The following PHEX variants were observed in gnomAD, a reference collection of about 807,000 sequenced individuals.
The protein encoded by PHEX is phosphate-regulating neutral endopeptidase PHEX.
Under a neutral mutation model 68.0 loss-of-function variants are expected in PHEX, and 16 were observed. The observed-to-expected ratio is 0.24, with a 90% CI of 0.16 to 0.36. The LOEUF is 0.36. Ranked by LOEUF, PHEX falls within the 10% of genes least tolerant of loss-of-function variation. PHEX has a pLI of 1.00. For synonymous variants in PHEX, 208 were observed against 205.1 expected, an observed-to-expected ratio of 1.01 and a Z score of -0.12; for missense variants, 480 against 575.5, an observed-to-expected ratio of 0.83 and a Z score of 1.70.
At chrX:22,108,494 C>A (rs1204619212) in intron 9 of PHEX, among the ~76,000 whole-genome samples, 1 of 110,812 alleles carries the variant, frequency 9.0e-6, no homozygotes, top group East Asian at 2.8e-4. Flanking sequence ...CCATTTACAT[C>A]CCCAAAAGCT....
chrX:22,201,554 C>T (rs1934558269), intron 15 of PHEX, among the ~76,000 whole-genome samples: 1 of 110,397 alleles, frequency 9.1e-6, no homozygotes, highest in African/African-American at 3.3e-5. Context: ...GATACAGACC[C>T]CCAGTTTCTG....
intron 2 of PHEX, among the ~76,000 whole-genome samples, chrX:22,046,563 CTTTTTTTTTT>C (rs529373663): frequency 3.9e-5 from 3 of 77,020 alleles, no homozygotes; most frequent in Admixed American, 1.5e-4. Flanking sequence ...TATCCATTCC[CTTTTTTTTTT>C]TTTTTTTTTT....
intron 15 of PHEX, among the ~76,000 whole-genome samples, chrX:22,204,561 C>T (rs747941784): frequency 2.5e-4 from 28 of 111,539 alleles, no homozygotes; most frequent in Non-Finnish European, 4.9e-4. Flanking sequence ...TTTGTTTGTT[C>T]GAAGGTTGCC....
intron 14 of PHEX, among the ~76,000 whole-genome samples, chrX:22,189,287 C>T (rs909402315): frequency 8.9e-6 from 1 of 112,347 alleles, no homozygotes; most frequent in Non-Finnish European, 1.9e-5. Context: ...TGAGTATATA[C>T]CCAGCAGTGG....
At chrX:22,155,437 T>G (rs1185691107) in intron 12 of PHEX, among the ~76,000 whole-genome samples, 1 of 112,467 alleles carries the variant, frequency 8.9e-6, no homozygotes, top group Non-Finnish European at 1.9e-5. Flanking sequence ...AAATAAGTAA[T>G]TTAACAACTG....
intron 20 of PHEX, among the ~76,000 whole-genome samples, chrX:22,232,341 G>A (rs1032524135): frequency 9.3e-6 from 1 of 108,000 alleles, no homozygotes; most frequent in Non-Finnish European, 1.9e-5. Context: ...TTAATTTTCT[G>A]TCCATTTATC....
At chrX:22,205,956 T>G (rs2147154995) in intron 15 of PHEX, among the ~76,000 whole-genome samples, 1 of 112,220 alleles carries the variant, frequency 8.9e-6, no homozygotes, top group Admixed American at 9.4e-5. Flanking sequence ...GGAAGAATAT[T>G]CCACTTTTAT....
rs747974210 is a variant in PHEX, at chrX:22,133,643, GAA to G, written c.1404+27_1404+28del. On this transcript the variant is annotated intron_variant, in intron 12 of 21. Coordinates refer to ENST00000379374, the MANE Select transcript of PHEX (RefSeq NM_000444.6). ...AGAAAAGGTAAGGATTCCTTTTGAT[GAA>G]AAAAAAATAAGACTTCTGGTTTAAT... The G allele has an allele frequency of 9.3e-7, 1 of 1,080,956 alleles. No homozygotes were observed. Among genetic ancestry groups the G allele is most frequent in the Non-Finnish European group, 1.3e-6 (1 of 784,901 alleles). 89.1% of individuals were successfully genotyped at this position (1,080,956 alleles called of 1,213,427 possible).
At chrX:22,044,314 G>T (rs1293899523) in intron 2 of PHEX, among the ~76,000 whole-genome samples, 1 of 111,511 alleles carries the variant, frequency 9.0e-6, no homozygotes, top group Non-Finnish European at 1.9e-5. Context: ...GTGTCACATA[G>T]CAGATTCATT....
intron 2 of PHEX, among the ~76,000 whole-genome samples, chrX:22,042,734 G>A (rs1022112122): frequency 8.9e-6 from 1 of 111,796 alleles, no homozygotes; most frequent in African/African-American, 3.2e-5. Context: ...GCAGTGAGCC[G>A]AGATTGCAGG....
At chrX:22,149,545 G>A (rs1932800162) in intron 12 of PHEX, among the ~76,000 whole-genome samples, 1 of 112,517 alleles carries the variant, frequency 8.9e-6, no homozygotes, top group Non-Finnish European at 1.9e-5. Flanking sequence ...CTTGAGGTCA[G>A]GAGTTCGAGA....
At chrX:22,066,097 A>C (rs545102067) in intron 3 of PHEX, among the ~76,000 whole-genome samples, 1 of 112,265 alleles carries the variant, frequency 8.9e-6, no homozygotes, top group South Asian at 3.7e-4. Context: ...GGCGGGGGCC[A>C]GAGCATACAG....
chrX:22,097,776 G>GTTTT, intron 8 of PHEX: 1 of 651,434 alleles, frequency 1.5e-6, no homozygotes, highest in Non-Finnish European at 1.8e-6. Flanking sequence ...GTTTTTATTT[G>GTTTT]TTTTTTTTTG....
chrX:22,173,535 A>G (rs1933608310), intron 13 of PHEX, among the ~76,000 whole-genome samples: 2 of 110,247 alleles, frequency 1.8e-5, no homozygotes, highest in Non-Finnish European at 3.8e-5. Context: ...GGTTTTTGCC[A>G]TTACTATTAA....
chrX:22,096,327 A>G (rs957131092), intron 7 of PHEX, among the ~76,000 whole-genome samples: 1 of 112,502 alleles, frequency 8.9e-6, no homozygotes, highest in Admixed American at 9.4e-5. Context: ...CAAATGGCCA[A>G]GAGCATGAGT....
At chrX:22,152,592 A>C (rs1274320315) in intron 12 of PHEX, among the ~76,000 whole-genome samples, 1 of 112,083 alleles carries the variant, frequency 8.9e-6, no homozygotes, top group Non-Finnish European at 1.9e-5. Flanking sequence ...ACACAACAAC[A>C]TGGACAAATT....
At chrX:22,164,079 G>C (rs966625935) in intron 12 of PHEX, among the ~76,000 whole-genome samples, 2 of 111,700 alleles carry the variant, frequency 1.8e-5, no homozygotes, top group African/African-American at 6.5e-5. Context: ...CCACATATCT[G>C]TATAAGGCTA....
chrX:22,119,042 A>G (rs1244557555), intron 11 of PHEX, among the ~76,000 whole-genome samples: 2 of 111,630 alleles, frequency 1.8e-5, no homozygotes, highest in East Asian at 2.8e-4. Flanking sequence ...GCACTACCCA[A>G]TTGAACTGGA....
chrX:22,240,333 T>C (rs1161649110), intron 20 of PHEX, among the ~76,000 whole-genome samples: 3 of 112,071 alleles, frequency 2.7e-5, no homozygotes, highest in South Asian at 3.7e-4. Context: ...CATCAACTAA[T>C]GGGCAAAATA....
Sources: allele counts gnomAD v4.1 joint callset (sites outside exome capture counted in the v4.1 genomes callset), GRCh38; gene constraint gnomAD v4.1.1; transcripts MANE v1.5; gene names NCBI Gene and HGNC (gene_info 2026-07-23, HGNC 2026-07-21).